SRGAP3: variants seen among roughly 807,000 people sequenced by gnomAD.
SRGAP3 encodes the protein SLIT-ROBO Rho GTPase-activating protein 3.
A neutral mutation model predicts 121.1 loss-of-function variants in SRGAP3; 39 were observed. The ratio of observed to expected loss-of-function variants is 0.32; its 90% CI spans 0.25 to 0.42. The LOEUF is 0.42. SRGAP3 is among the 10% of genes least tolerant of loss of function. SRGAP3 has a pLI of 1.00. For missense variants in SRGAP3, 1,213 were observed against 1,470.6 expected, an observed-to-expected ratio of 0.82 and a Z score of 2.86; for synonymous variants, 601 against 570.0, an observed-to-expected ratio of 1.05 and a Z score of -0.77.
At chr3:9,135,951 C>A (rs1012426301) in intron 1 of SRGAP3, among the ~76,000 whole-genome samples, 11 of 152,228 alleles carry the variant, frequency 7.2e-5, no homozygotes, top group African/African-American at 2.7e-4. Flanking sequence ...GCGCGTGGTG[C>A]CTGGGGCACT....
chr3:9,280,971 G>GGC (rs1553565897), intron 3 of SRGAP3, among the ~76,000 whole-genome samples: 2 of 133,422 alleles, frequency 1.5e-5, no homozygotes, highest in African/African-American at 8.2e-5. Context: ...CTGAATTGTT[G>GGC]GGGGTGGTGG....
At chr3:9,154,335 G>A (rs767083472) in intron 1 of SRGAP3, among the ~76,000 whole-genome samples, 10 of 151,972 alleles carry the variant, frequency 6.6e-5, no homozygotes, top group African/African-American at 1.2e-4. Context: ...GCTAAACAAC[G>A]TAACTCAAAA....
At chr3:9,226,384 C>G (rs1310509595) in intron 1 of SRGAP3, among the ~76,000 whole-genome samples, 1 of 152,194 alleles carries the variant, frequency 6.6e-6, no homozygotes, top group Non-Finnish European at 1.5e-5. Flanking sequence ...CCTCTGATGC[C>G]TAAATCCCCA....
chr3:9,219,828 G>A (rs568601295), intron 1 of SRGAP3, among the ~76,000 whole-genome samples: 1 of 152,252 alleles, frequency 6.6e-6, no homozygotes, highest in South Asian at 2.1e-4. Flanking sequence ...TCCAGCCTGG[G>A]CGACAGAGTA....
intron 1 of SRGAP3, among the ~76,000 whole-genome samples, chr3:9,228,934 C>T (rs1953096830): frequency 6.6e-6 from 1 of 151,522 alleles, no homozygotes; most frequent in Non-Finnish European, 1.5e-5. Context: ...CGGTGGCGGG[C>T]GCCTGTAGTC....
rs148236663 is a variant in SRGAP3 at position 8,985,307 on chromosome 3, C to G, written c.*212G>C. The G allele has an allele frequency of 6.6e-3, 7,160 of 1,083,666 alleles. 32 individuals carry two copies. The highest frequency in any genetic ancestry group is 0.017 in the Middle Eastern group (55 of 3,158). The allele number at this position is 1,083,666 out of a possible 1,614,324, so 67.1% of individuals were successfully genotyped here. ...GCTGGAGCTCCAGCACTCCTCTGGT[C>G]GTCTGTTGACACGCGAGAGGTCCGT... is the stretch of plus-strand genomic sequence containing the variant. On this transcript the variant is annotated 3_prime_UTR_variant, in exon 22 of 22. Transcript: ENST00000383836. The surrounding 1 kb of genome is among the most constrained non-coding windows in gnomAD (Gnocchi z 5.1).
At chr3:9,061,556 C>T (rs566464782) in intron 5 of SRGAP3, among the ~76,000 whole-genome samples, 15 of 152,332 alleles carry the variant, frequency 9.8e-5, no homozygotes, top group African/African-American at 3.4e-4. Flanking sequence ...AGCACTTCCA[C>T]CACCTGAAAC....
intron 8 of SRGAP3, 42 bp from the exon 9 acceptor site, chr3:9,053,266 T>C (rs763725363): frequency 2.4e-5 from 38 of 1,586,714 alleles, no homozygotes; most frequent in Non-Finnish European, 3.1e-5. Context: ...TGTATTCTCA[T>C]ACTGCCGTTG....
intron 8 of SRGAP3, among the ~76,000 whole-genome samples, chr3:9,055,090 G>T (rs1207919179): frequency 6.6e-6 from 1 of 152,112 alleles, no homozygotes. Flanking sequence ...AATAAATAAA[G>T]AAAACACTCT....
chr3:9,342,761 A>G (rs1955813236), intron 1 of SRGAP3, among the ~76,000 whole-genome samples: 1 of 152,232 alleles, frequency 6.6e-6, no homozygotes, highest in East Asian at 1.9e-4. Flanking sequence ...TGAAGATCAG[A>G]TTTGAGAATG....
rs1311398283 is a variant in SRGAP3, at chr3:9,249,012, G to C, written c.-61C>G. The C allele has an allele frequency of 6.5e-7, 1 of 1,539,252 alleles. No homozygotes were observed. The highest frequency in any genetic ancestry group is 1.1e-5 in the South Asian group (1 of 89,356). On this transcript the variant is annotated 5_prime_UTR_variant, in exon 1 of 22. Transcript: ENST00000383836. ...GATTTATTTCTCCTTTTCTTTTCGA[G>C]TCCTCTCTCAAGCCCTGGTAATCAC...
At chr3:9,115,547 G>T (rs1048386115) in intron 2 of SRGAP3, among the ~76,000 whole-genome samples, 1 of 152,138 alleles carries the variant, frequency 6.6e-6, no homozygotes, top group South Asian at 2.1e-4. Context: ...GAAAGAGCCA[G>T]ATGGAAACAT....
At chr3:9,294,537 A>C (rs892602387) in intron 3 of SRGAP3, among the ~76,000 whole-genome samples, 2 of 84,142 alleles carry the variant, frequency 2.4e-5, no homozygotes, top group Non-Finnish European at 6.6e-5. Context: ...AAGTAAAAAA[A>C]CAAACAAACA....
At chr3:9,074,180 G>A (rs1349755626) in intron 4 of SRGAP3, among the ~76,000 whole-genome samples, 1 of 152,144 alleles carries the variant, frequency 6.6e-6, no homozygotes, top group Non-Finnish European at 1.5e-5. Context: ...CATTCTTAGG[G>A]CTCTGGCTGG....
At chr3:9,120,537 T>G (rs1371201833) in intron 2 of SRGAP3, among the ~76,000 whole-genome samples, 1 of 152,250 alleles carries the variant, frequency 6.6e-6, no homozygotes, top group Non-Finnish European at 1.5e-5. Context: ...AAGTCCCACA[T>G]GGCTTCTTGG....
chr3:9,088,383 T>C (rs1046407499), intron 3 of SRGAP3, among the ~76,000 whole-genome samples: 5 of 152,094 alleles, frequency 3.3e-5, no homozygotes, highest in Non-Finnish European at 7.4e-5. Flanking sequence ...GGCTGACCAA[T>C]CTCAAGAGCC....
chr3:9,333,829 T>A (rs994823127), intron 1 of SRGAP3, among the ~76,000 whole-genome samples: 37 of 152,058 alleles, frequency 2.4e-4, no homozygotes, highest in African/African-American at 8.7e-4. Flanking sequence ...CAAGTGAAAA[T>A]TAAATTCAAA....
intron 15 of SRGAP3, among the ~76,000 whole-genome samples, chr3:9,015,291 G>T (rs1027652124): frequency 6.6e-6 from 1 of 152,022 alleles, no homozygotes; most frequent in South Asian, 2.1e-4. Context: ...CGCTTCCCAG[G>T]ATCCCCCGTG....
At position 9,042,599 on chromosome 3, in the gene SRGAP3, G is replaced by A. The variant is rs534480302; in HGVS notation, c.1409-4509C>T. Reference sequence around the variant, plus strand: ...ATGGGTGGCTGCAGTTGGTGGAATTGGAACCAAAGACCAAAGCAGGAAAGG... The same window carrying A: ...ATGGGTGGCTGCAGTTGGTGGAATTAGAACCAAAGACCAAAGCAGGAAAGG... On this transcript the variant is annotated intron_variant, in intron 10 of 21. Coordinates refer to ENST00000383836, the MANE Select transcript of SRGAP3 (RefSeq NM_014850.4). 1.8e-3 allele frequency among the ~76,000 whole-genome samples: 269 copies of A among 152,296 alleles called. No homozygotes were observed. In the South Asian group the frequency reaches 0.019, roughly 11 times the overall value.
Sources: gnomAD v4.1 joint callset for allele counts (sites outside exome capture counted in the v4.1 genomes callset) on GRCh38, gnomAD v4.1.1 for gene constraint, Gnocchi (gnomAD v3.1) non-coding constraint, MANE v1.5 for transcripts, NCBI Gene and HGNC (gene_info 2026-07-23, HGNC 2026-07-21) for gene names.